NXPE2: variants seen among roughly 807,000 people sequenced by gnomAD.
NXPE2 encodes neurexophilin and PC-esterase domain family member 2.
Under a neutral mutation model 34.4 loss-of-function variants are expected in NXPE2, and 34 were observed. That is an observed-to-expected ratio of 0.99 (90% CI 0.75 to 1.31). The LOEUF (loss-of-function observed/expected upper bound fraction) is 1.31. NXPE2 is among the 40% of genes most tolerant of loss of function. NXPE2 has a pLI of 0.00. For missense variants in NXPE2, 649 were observed against 672.5 expected (o/e 0.97, Z 0.39); for synonymous variants, 235 against 231.3 (o/e 1.02, Z -0.15).
At chr11:114,614,892 C>T in the NXPE2 span, among the ~76,000 whole-genome samples, 1 of 151,806 alleles carries the variant, frequency 6.6e-6, no homozygotes, top group African/African-American at 2.4e-5. Flanking sequence ...TAGGTATTGC[C>T]TCTAGGGTAA....
the NXPE2 span, among the ~76,000 whole-genome samples, chr11:114,532,180 A>C: frequency 3.3e-5 from 5 of 152,242 alleles, no homozygotes; most frequent in Non-Finnish European, 7.3e-5. Context: ...ACAAACTGGC[A>C]GAGTAAGCCA....
the NXPE2 span, among the ~76,000 whole-genome samples, chr11:114,607,195 T>C: frequency 6.6e-6 from 1 of 152,032 alleles, no homozygotes; most frequent in East Asian, 1.9e-4. Context: ...GTGACAATTC[T>C]TACCCTGTGG....
the NXPE2 span, chr11:114,529,898 T>TTA: frequency 5.5e-6 from 2 of 363,484 alleles, no homozygotes; most frequent in African/African-American, 4.1e-5. Flanking sequence ...GGAGCATGGA[T>TTA]GTTATCATAC....
chr11:114,695,768 G>A lies in NXPE2; in HGVS notation c.133-2277G>A, dbSNP rs142023283. On this transcript the variant is annotated intron_variant, in intron 2 of 5. Coordinates refer to ENST00000389586, the MANE Select transcript of NXPE2 (RefSeq NM_182495.6). ...TGCACTTTGGGAGGCCAAGGCAGGC[G>A]GATCACGAAGTCAGAAGTTCGCGAC... Among the ~76,000 whole-genome samples the A allele has an allele frequency of 3.2e-3, 478 of 151,568 alleles. 2 individuals carry two copies. The highest frequency in any genetic ancestry group is 0.017 in the Middle Eastern group (5 of 292).
the NXPE2 span, among the ~76,000 whole-genome samples, chr11:114,487,195 T>C: frequency 6.6e-6 from 1 of 152,138 alleles, no homozygotes; most frequent in East Asian, 1.9e-4. Context: ...GTTTTCATTA[T>C]AGAGAGCTTT....
chr11:114,505,717 C>T, the NXPE2 span, among the ~76,000 whole-genome samples: 1 of 152,072 alleles, frequency 6.6e-6, no homozygotes, highest in Non-Finnish European at 1.5e-5. Context: ...TACAAGAGCT[C>T]CTGAAGGAAG....
chr11:114,491,475 G>C, the NXPE2 span, among the ~76,000 whole-genome samples: 1 of 152,088 alleles, frequency 6.6e-6, no homozygotes, highest in Non-Finnish European at 1.5e-5. Flanking sequence ...TCTCACACCA[G>C]TTAGAATGGC....
chr11:114,584,148 C>A, the NXPE2 span: 1 of 288,198 alleles, frequency 3.5e-6, no homozygotes, highest in South Asian at 3.4e-5. Context: ...TTATTGATGG[C>A]AGAAGGTGGT....
At chr11:114,629,654 T>C in the NXPE2 span, among the ~76,000 whole-genome samples, 267 of 151,794 alleles carry the variant, frequency 1.8e-3, 1 homozygote, top group African/African-American at 5.7e-3. Flanking sequence ...CATCAGAGTG[T>C]TGGAAGTTCT....
chr11:114,488,622 G>A, the NXPE2 span, among the ~76,000 whole-genome samples: 5 of 152,090 alleles, frequency 3.3e-5, no homozygotes, highest in African/African-American at 4.8e-5. Context: ...GATACATAAC[G>A]AAATGAAGGC....
At chr11:114,560,749 A>G in the NXPE2 span, among the ~76,000 whole-genome samples, 2 of 152,174 alleles carry the variant, frequency 1.3e-5, no homozygotes, top group African/African-American at 4.8e-5. Context: ...AAGGGAATAT[A>G]TGGGTGTATA....
At chr11:114,651,738 G>A in the NXPE2 span, among the ~76,000 whole-genome samples, 23,734 of 152,026 alleles carry the variant, frequency 0.16, 2,150 homozygotes, top group South Asian at 0.2. Context: ...CACACAGAGC[G>A]CTGATTGGTG....
the NXPE2 span, among the ~76,000 whole-genome samples, chr11:114,484,376 G>A: frequency 6.6e-6 from 1 of 152,086 alleles, no homozygotes; most frequent in Non-Finnish European, 1.5e-5. Context: ...AATTGAGGAC[G>A]TCCTTGATGA....
At chr11:114,780,025 T>C in the NXPE2 span, among the ~76,000 whole-genome samples, 2 of 152,140 alleles carry the variant, frequency 1.3e-5, no homozygotes, top group Admixed American at 1.3e-4. Flanking sequence ...GCCAGTAAAA[T>C]TCATATCACA....
At chr11:114,621,231 C>T in the NXPE2 span, among the ~76,000 whole-genome samples, 2 of 152,136 alleles carry the variant, frequency 1.3e-5, no homozygotes, top group Admixed American at 6.5e-5. Context: ...TCATGGGTAA[C>T]CACAGTTACC....
At chr11:114,780,178 CA>C in the NXPE2 span, among the ~76,000 whole-genome samples, 1 of 152,178 alleles carries the variant, frequency 6.6e-6, no homozygotes, top group Non-Finnish European at 1.5e-5. Flanking sequence ...AAGCCACTGA[CA>C]AAAACAAATG....
At chr11:114,483,589 A>G in the NXPE2 span, among the ~76,000 whole-genome samples, 2 of 152,218 alleles carry the variant, frequency 1.3e-5, no homozygotes, top group Admixed American at 1.3e-4. Context: ...ACCAAAACTC[A>G]GATATATAGC....
the NXPE2 span, among the ~76,000 whole-genome samples, chr11:114,635,853 T>A: frequency 6.6e-6 from 1 of 152,126 alleles, no homozygotes; most frequent in Non-Finnish European, 1.5e-5. Flanking sequence ...GATGTGTTGC[T>A]GTATTCGGTT....
At chr11:114,609,526 G>A in the NXPE2 span, among the ~76,000 whole-genome samples, 8 of 151,776 alleles carry the variant, frequency 5.3e-5, no homozygotes, top group Non-Finnish European at 1.2e-4. Context: ...TGCTTCGTGG[G>A]TAACCACTGT....
Sources: allele counts gnomAD v4.1 joint callset (sites outside exome capture counted in the v4.1 genomes callset), GRCh38; gene constraint gnomAD v4.1.1; transcripts MANE v1.5; gene names NCBI Gene and HGNC (gene_info 2026-07-23, HGNC 2026-07-21).